Variants in LRFN5 observed in about 807,000 individuals in gnomAD.
LRFN5 encodes leucine rich repeat and fibronectin type III domain containing 5, also known as leucine-rich repeat and fibronectin type-III domain-containing protein 5.
LRFN5 carries 24 observed loss-of-function variants against 45.6 expected under a neutral mutation model. The ratio of observed to expected loss-of-function variants is 0.53; its 90% confidence interval spans 0.38 to 0.74. The LOEUF (loss-of-function observed/expected upper bound fraction) is 0.74, where lower values mean the gene tolerates loss of function less well. Among genes scored for constraint, LRFN5 ranks in the 30% least tolerant of loss-of-function variants. LRFN5 has a pLI of 0.00. For missense variants in LRFN5, 776 were observed against 861.5 expected (o/e 0.90, Z 1.24); for synonymous variants, 340 against 313.8 (o/e 1.08, Z -0.88).
chr14:41,847,352 A>T (rs969771655), intron 2 of LRFN5, among the ~76,000 whole-genome samples: 8 of 152,154 alleles, frequency 5.3e-5, no homozygotes, highest in African/African-American at 1.4e-4. Context: ...TCTCCGGTAA[A>T]GAAATTTACT....
chr14:41,770,556 C>T (rs141563677), intron 2 of LRFN5, among the ~76,000 whole-genome samples: 29 of 152,312 alleles, frequency 1.9e-4, no homozygotes, highest in African/African-American at 6.7e-4. Context: ...CTGTACAACT[C>T]TGAAACCCAG....
intron 1 of LRFN5, among the ~76,000 whole-genome samples, chr14:41,609,397 T>A (rs1421773998): frequency 6.6e-6 from 1 of 152,094 alleles, no homozygotes; most frequent in African/African-American, 2.4e-5. Context: ...GTGCCTTGAT[T>A]TACAAGGAGC....
intron 1 of LRFN5, among the ~76,000 whole-genome samples, chr14:41,694,211 G>C (rs949190312): frequency 6.6e-6 from 1 of 151,736 alleles, no homozygotes; most frequent in Non-Finnish European, 1.5e-5. Flanking sequence ...AATTTACTCT[G>C]TTAGTTATTC....
intron 2 of LRFN5, among the ~76,000 whole-genome samples, chr14:41,820,459 C>T (rs1429071213): frequency 2.6e-5 from 4 of 151,934 alleles, no homozygotes; most frequent in East Asian, 1.9e-4. Flanking sequence ...TTATTCTGTT[C>T]TATTGATCCA....
chr14:41,644,528 G>A (rs1335523321), intron 1 of LRFN5, among the ~76,000 whole-genome samples: 1 of 152,084 alleles, frequency 6.6e-6, no homozygotes, highest in Admixed American at 6.6e-5. Flanking sequence ...TAGTTATCAT[G>A]AACCATGTAC....
At chr14:41,874,590 T>C (rs1890126445) in intron 2 of LRFN5, among the ~76,000 whole-genome samples, 4 of 152,212 alleles carry the variant, frequency 2.6e-5, no homozygotes, top group Non-Finnish European at 4.4e-5. Flanking sequence ...CATAATGCAC[T>C]TTAATTTATC....
intron 2 of LRFN5, among the ~76,000 whole-genome samples, chr14:41,802,517 C>A (rs997821832): frequency 1.3e-5 from 2 of 152,048 alleles, no homozygotes; most frequent in Admixed American, 1.3e-4. Context: ...ACACAAAACC[C>A]AAAGGTGGAG....
At chr14:41,894,424 A>G (rs1484732463) in intron 4 of LRFN5, 2 of 893,426 alleles carry the variant, frequency 2.2e-6, no homozygotes, top group African/African-American at 3.6e-5. Flanking sequence ...ATATATTTTT[A>G]ATATGATCAT....
chr14:41,756,316 T>A (rs1210949741), intron 1 of LRFN5, among the ~76,000 whole-genome samples: 1 of 152,242 alleles, frequency 6.6e-6, no homozygotes, highest in African/African-American at 2.4e-5. Context: ...TTGGTCTGCC[T>A]CGCTAGATTG....
At chr14:41,704,408 TTCTCTCTCTCTCTCTCTCTC>T (rs141458106) in intron 1 of LRFN5, among the ~76,000 whole-genome samples, 2 of 102,266 alleles carry the variant, frequency 2.0e-5, no homozygotes. Context: ...TGTTATACTT[TTCTCTCTCTCTCTCTCTCTC>T]TCTCTCTCTC....
chr14:41,792,443 C>T (rs1886957742), intron 2 of LRFN5, among the ~76,000 whole-genome samples: 1 of 151,936 alleles, frequency 6.6e-6, no homozygotes, highest in Non-Finnish European at 1.5e-5. Context: ...GAGGGTACTG[C>T]AGGAGACCAG....
At position 41,796,679 on chromosome 14, in the gene LRFN5, A is replaced by G. The variant is rs371291673; in HGVS notation, c.-21+29650A>G. Among the ~76,000 whole-genome samples the G allele has an allele frequency of 6.6e-5, 10 of 151,910 alleles. No homozygotes were observed. The East Asian group carries it at 1.2e-3, about 18-fold the overall frequency. On this transcript the variant is annotated intron_variant, in intron 2 of 5. Transcript: ENST00000298119. Reference sequence around the variant, plus strand: ...TACTATATCAATGTATATTAATTCTATAAAACTACATATTATAGAATTCCG... The same window carrying G: ...TACTATATCAATGTATATTAATTCTGTAAAACTACATATTATAGAATTCCG...
chr14:41,860,716 C>T (rs1889631552), intron 2 of LRFN5, among the ~76,000 whole-genome samples: 1 of 152,174 alleles, frequency 6.6e-6, no homozygotes, highest in Non-Finnish European at 1.5e-5. Flanking sequence ...TACATGACTG[C>T]CCTGGTGTTC....
At chr14:41,658,331 C>T (rs1880473481) in intron 1 of LRFN5, among the ~76,000 whole-genome samples, 1 of 151,970 alleles carries the variant, frequency 6.6e-6, no homozygotes, top group South Asian at 2.1e-4. Flanking sequence ...TTACTTGATA[C>T]ATTCCTGATC....
chr14:41,698,298 G>C (rs894124392), intron 1 of LRFN5, among the ~76,000 whole-genome samples: 10 of 152,034 alleles, frequency 6.6e-5, no homozygotes, highest in African/African-American at 2.2e-4. Context: ...AGAACAAGCA[G>C]CATTCACTTT....
intron 2 of LRFN5, among the ~76,000 whole-genome samples, chr14:41,828,859 T>C (rs1272851012): frequency 1.3e-5 from 2 of 151,974 alleles, no homozygotes; most frequent in South Asian, 2.1e-4. Flanking sequence ...ATGACCTCTC[T>C]AGACTTACCT....
In LRFN5 at chr14:41,710,090, T is replaced by G. The variant is rs189486562; in HGVS notation, c.-196-56764T>G. 1.9e-3 allele frequency among the ~76,000 whole-genome samples: 291 copies of G among 152,280 alleles called. 1 individual carries two copies. Among genetic ancestry groups the G allele is most frequent in the Admixed American group, 4.4e-3 (67 of 15,298 alleles). On this transcript the variant is annotated intron_variant, in intron 1 of 5. Coordinates refer to ENST00000298119, the MANE Select transcript of LRFN5 (RefSeq NM_152447.5). Reference sequence around the variant, plus strand: ...ATAGAATATATTGTTGTCTTTTAAATAAATGTAGTATAATTTACAGCTCTT... The same window carrying G: ...ATAGAATATATTGTTGTCTTTTAAAGAAATGTAGTATAATTTACAGCTCTT...
chr14:41,836,635 C>T (rs548702165), intron 2 of LRFN5, among the ~76,000 whole-genome samples: 15 of 152,288 alleles, frequency 9.8e-5, no homozygotes, highest in African/African-American at 3.6e-4. Flanking sequence ...CCAGCAACAA[C>T]TGGATCAAAT....
chr14:41,820,139 TTTTG>T (rs1258971489), intron 2 of LRFN5, among the ~76,000 whole-genome samples: 1 of 152,008 alleles, frequency 6.6e-6, no homozygotes, highest in African/African-American at 2.4e-5. Context: ...ATTTGTCTAT[TTTTG>T]TTTTTGTTGC....
Sources: gnomAD v4.1 joint callset for allele counts (sites outside exome capture counted in the v4.1 genomes callset) on GRCh38, gnomAD v4.1.1 for gene constraint, MANE v1.5 for transcripts, NCBI Gene and HGNC (gene_info 2026-07-23, HGNC 2026-07-21) for gene names.